Variants in EMILIN2 observed in about 807,000 individuals in gnomAD.
EMILIN2 encodes the protein elastin microfibril interfacer 2, also known as EMILIN-2.
A neutral mutation model predicts 87.1 loss-of-function variants in EMILIN2; 71 were observed. The ratio of observed to expected loss-of-function variants is 0.82; its 90% CI spans 0.67 to 0.99. The LOEUF (loss-of-function observed/expected upper bound fraction) is 0.99, where lower values mean the gene tolerates loss of function less well. Ranked by LOEUF, EMILIN2 falls within the 50% of genes least tolerant of loss-of-function variation. EMILIN2 has a pLI of 0.00. For synonymous variants in EMILIN2, 581 were observed against 563.4 expected (o/e 1.03, Z -0.44); for missense variants, 1,407 against 1,371.8 (o/e 1.03, Z -0.40).
intron 2 of EMILIN2, among the ~76,000 whole-genome samples, chr18:2,854,438 G>A (rs1368749105): frequency 6.6e-6 from 1 of 151,276 alleles, no homozygotes; most frequent in African/African-American, 2.5e-5. Context: ...TCAGTTGGCA[G>A]AAAATTTGTC....
At chr18:2,854,462 ACCT>A (rs1422236111) in intron 2 of EMILIN2, among the ~76,000 whole-genome samples, 1 of 151,620 alleles carries the variant, frequency 6.6e-6, no homozygotes, top group East Asian at 1.9e-4. Flanking sequence ...TTAGGGAGTA[ACCT>A]CAGCCAGGAA....
chr18:2,855,937 C>T (rs549368893), intron 2 of EMILIN2, among the ~76,000 whole-genome samples: 1 of 152,178 alleles, frequency 6.6e-6, no homozygotes, highest in Non-Finnish European at 1.5e-5. Context: ...GTTATTGCCT[C>T]ACAGGTGATT....
intron 4 of EMILIN2, among the ~76,000 whole-genome samples, chr18:2,893,325 T>G (rs1318922855): frequency 6.6e-5 from 10 of 152,150 alleles, no homozygotes; most frequent in Admixed American, 6.5e-4. Context: ...TGTGTCGTTA[T>G]CATCTTCAGG....
At chr18:2,912,846 G>A (rs989624933) in intron 7 of EMILIN2, among the ~76,000 whole-genome samples, 1 of 152,160 alleles carries the variant, frequency 6.6e-6, no homozygotes, top group Non-Finnish European at 1.5e-5. Flanking sequence ...GGCATTCTTA[G>A]GCCCATGGCA....
At chr18:2,889,785 C>T (rs2076824922) in intron 3 of EMILIN2, among the ~76,000 whole-genome samples, 1 of 149,948 alleles carries the variant, frequency 6.7e-6, no homozygotes. Context: ...CTTCCTGCCT[C>T]CCTAGTAACT....
intron 2 of EMILIN2, among the ~76,000 whole-genome samples, chr18:2,871,813 A>G (rs16943929): frequency 0.068 from 10,414 of 152,286 alleles, 1,186 homozygotes; most frequent in African/African-American, 0.24. Flanking sequence ...GTCCATTATT[A>G]CGGAGGTAAT....
At position 2,885,126 on chromosome 18, in the gene EMILIN2, G is replaced by A. The variant is rs947167299; in HGVS notation, c.420G>A (p.Leu140=). ...CGCCGGCTCGGCCTCGAAACAGCTTGAAGAAAGCCACAGGTAACTTCTTAT... is the reference window on the plus strand; with the variant it reads ...CGCCGGCTCGGCCTCGAAACAGCTTAAAGAAAGCCACAGGTAACTTCTTAT... The part of the protein sequence containing the change: ...RPTPARPRNS[L]KKATDNEPSQ... The change falls in exon 3 of 8, where the codon TTG becomes TTA. Residue 140 remains leucine (L), a synonymous_variant. Coordinates refer to ENST00000254528, the MANE Select transcript of EMILIN2 (RefSeq NM_032048.3). 6.2e-7 allele frequency: 1 copy of A among 1,604,892 alleles called. No homozygotes were observed. The highest frequency in any genetic ancestry group is 8.5e-7 in the Non-Finnish European group (1 of 1,176,686).
chr18:2,868,789 AGAG>A (rs765637371), intron 2 of EMILIN2, among the ~76,000 whole-genome samples: 24 of 151,296 alleles, frequency 1.6e-4, no homozygotes, highest in Non-Finnish European at 2.6e-4. Context: ...GACCGTGGAA[AGAG>A]GAGAGGGAGA....
chr18:2,885,128 A>G lies in EMILIN2; in HGVS notation c.422A>G (p.Lys141Arg), dbSNP rs1156477285. The G allele has an allele frequency of 6.2e-7, 1 of 1,604,356 alleles. No homozygotes were observed. Among genetic ancestry groups the G allele is most frequent in the Non-Finnish European group, 8.5e-7 (1 of 1,176,456 alleles). ...PTPARPRNSL[K>R]KATDNEPSQF... is the part of the protein sequence containing the mutation. Reference sequence around the variant, plus strand: ...CCGGCTCGGCCTCGAAACAGCTTGAAGAAAGCCACAGGTAACTTCTTATTT... The same window carrying G: ...CCGGCTCGGCCTCGAAACAGCTTGAGGAAAGCCACAGGTAACTTCTTATTT... The change falls in exon 3 of 8, where the codon AAG becomes AGG. Residue 141 changes from lysine (K) to arginine (R), a missense_variant. Coordinates refer to ENST00000254528, the MANE Select transcript of EMILIN2 (RefSeq NM_032048.3).
chr18:2,873,787 A>G (rs547395851), intron 2 of EMILIN2, among the ~76,000 whole-genome samples: 7 of 152,326 alleles, frequency 4.6e-5, no homozygotes, highest in African/African-American at 1.7e-4. Flanking sequence ...TCTTCACCCC[A>G]AAAGTCTATA....
chr18:2,874,605 T>C (rs1198077781), intron 2 of EMILIN2, among the ~76,000 whole-genome samples: 3 of 152,124 alleles, frequency 2.0e-5, no homozygotes, highest in Non-Finnish European at 4.4e-5. Context: ...AATGAAAACA[T>C]CTGCACCTCA....
intron 3 of EMILIN2, among the ~76,000 whole-genome samples, chr18:2,886,866 C>T (rs1395809590): frequency 1.3e-5 from 2 of 152,136 alleles, no homozygotes; most frequent in South Asian, 2.1e-4. Flanking sequence ...GCATTTTCAT[C>T]TTCTTGAAGA....
chr18:2,901,927 C>T (rs1376880201), intron 4 of EMILIN2, among the ~76,000 whole-genome samples: 1 of 152,206 alleles, frequency 6.6e-6, no homozygotes, highest in Non-Finnish European at 1.5e-5. Context: ...ATGTGGCGGG[C>T]TGCTTTGGAG....
At chr18:2,872,627 AT>A (rs2076725916) in intron 2 of EMILIN2, among the ~76,000 whole-genome samples, 1 of 152,224 alleles carries the variant, frequency 6.6e-6, no homozygotes, top group African/African-American at 2.4e-5. Context: ...GTAAATTGTA[AT>A]GTAGATTACT....
chr18:2,913,667 A>AT lies in EMILIN2; in HGVS notation c.*264dup, dbSNP rs1487403503. On this transcript the variant is annotated 3_prime_UTR_variant, in exon 8 of 8. Transcript: ENST00000254528. ...AAGACTTGGAAAGGCCTCCACCTGT[A>AT]TCTACACTCTGAGGGCCCTGGACTG... The AT allele has an allele frequency of 2.3e-6, 1 of 428,246 alleles. No homozygotes were observed. Among genetic ancestry groups the AT allele is most frequent in the African/African-American group, 2.0e-5 (1 of 48,862 alleles). The allele number at this position is 428,246 out of a possible 1,614,324, so 26.5% of individuals were successfully genotyped here.
intron 2 of EMILIN2, among the ~76,000 whole-genome samples, chr18:2,871,659 G>T (rs538025405): frequency 6.6e-6 from 1 of 152,190 alleles, no homozygotes. Flanking sequence ...AAAGGACCAC[G>T]TGTTGCAAAA....
chr18:2,858,557 A>ATGTGTGTGTG (rs1568454042), intron 2 of EMILIN2, among the ~76,000 whole-genome samples: 2 of 54,534 alleles, frequency 3.7e-5, no homozygotes, highest in African/African-American at 2.8e-4. Flanking sequence ...ATATATATAT[A>ATGTGTGTGTG]TATATATATA....
chr18:2,858,563 ATATATATGTGTGTGTGTGTG>A (rs1568454085), intron 2 of EMILIN2, among the ~76,000 whole-genome samples: 15 of 68,692 alleles, frequency 2.2e-4, no homozygotes, highest in East Asian at 6.2e-4. Flanking sequence ...ATATATATAT[ATATATATGTGTGTGTGTGTG>A]TATATATATA....
At chr18:2,856,097 G>A (rs963614564) in intron 2 of EMILIN2, among the ~76,000 whole-genome samples, 10 of 152,086 alleles carry the variant, frequency 6.6e-5, no homozygotes, top group African/African-American at 1.9e-4. Flanking sequence ...AAGCTCAGCC[G>A]GGCACGGTAG....
Sources: allele counts gnomAD v4.1 joint callset (sites outside exome capture counted in the v4.1 genomes callset), GRCh38; gene constraint gnomAD v4.1.1; transcripts MANE v1.5; gene names NCBI Gene and HGNC (gene_info 2026-07-23, HGNC 2026-07-21).